KLRG2: variants seen among roughly 807,000 people sequenced by gnomAD.
KLRG2 encodes the protein killer cell lectin like receptor G2, also known as killer cell lectin-like receptor subfamily G member 2.
A neutral mutation model predicts 35.4 loss-of-function variants in KLRG2; 39 were observed. That is an observed-to-expected ratio of 1.10 (90% CI 0.85 to 1.44). The LOEUF (loss-of-function observed/expected upper bound fraction) is 1.44. KLRG2 is among the 40% of genes most tolerant of loss of function. The pLI, the probability that KLRG2 is intolerant of heterozygous loss-of-function variation, is 0.00. For synonymous variants in KLRG2, 283 were observed against 265.8 expected (o/e 1.06, Z -0.63); for missense variants, 632 against 570.9 (o/e 1.11, Z -1.09).
chr7:139,456,826 T>C (rs953973925), intron 3 of KLRG2, among the ~76,000 whole-genome samples: 4 of 152,130 alleles, frequency 2.6e-5, no homozygotes, highest in Admixed American at 6.5e-5. Flanking sequence ...TTTCCTGTAT[T>C]AGTTGGTGAA....
At chr7:139,437,853 G>A in the KLRG2 span, among the ~76,000 whole-genome samples, 1 of 152,324 alleles carries the variant, frequency 6.6e-6, no homozygotes, top group South Asian at 2.1e-4. Context: ...CCAGTTCTTT[G>A]CCTCTCCCTG....
intron 1 of KLRG2, among the ~76,000 whole-genome samples, 197 bp from the exon 2 acceptor site, chr7:139,480,444 T>TC (rs1300307222): frequency 7.0e-6 from 1 of 142,630 alleles, no homozygotes; most frequent in Admixed American, 7.0e-5. Context: ...ATATTCTTTT[T>TC]TTTTTTTTTT....
intron 3 of KLRG2, among the ~76,000 whole-genome samples, chr7:139,463,005 C>T (rs577362803): frequency 2.0e-5 from 3 of 152,322 alleles, no homozygotes; most frequent in Admixed American, 6.5e-5. Context: ...ATCACCTCCT[C>T]TCCTCACACC....
intron 3 of KLRG2, among the ~76,000 whole-genome samples, chr7:139,455,845 A>G (rs900826081): frequency 3.9e-5 from 6 of 152,240 alleles, no homozygotes; most frequent in African/African-American, 1.4e-4. Context: ...TTATCTAAAG[A>G]TAACACGGTG....
intron 3 of KLRG2, among the ~76,000 whole-genome samples, chr7:139,467,156 C>T (rs978256458): frequency 5.9e-5 from 9 of 152,134 alleles, no homozygotes; most frequent in Admixed American, 2.0e-4. Context: ...TCCCATGTCG[C>T]CCCTAATCCC....
At chr7:139,451,638 A>G (rs190165440), downstream of KLRG2, among the ~76,000 whole-genome samples, 17 of 152,222 alleles carry the variant, frequency 1.1e-4, no homozygotes, top group East Asian at 3.1e-3. Flanking sequence ...ATACCTTTCT[A>G]GATTCCTCTA....
intron 1 of KLRG2, among the ~76,000 whole-genome samples, chr7:139,481,056 T>A (rs898413967): frequency 2.0e-5 from 3 of 152,078 alleles, no homozygotes; most frequent in African/African-American, 7.2e-5. Context: ...AGGAGCCTTA[T>A]ATGTGGAAGA....
At position 139,454,340 on chromosome 7, in the gene KLRG2, A is replaced by C. The variant is rs116593171; in HGVS notation, c.1006-126T>G. ...TCCAGAAGGATCTGCTCAAGCCAGC[A>C]CTTGCAGAACAAAAAAACCTTGAAA... On this transcript the variant is annotated intron_variant, in intron 3 of 4. Coordinates refer to ENST00000340940, the MANE Select transcript of KLRG2 (RefSeq NM_198508.4). 746 of 641,228 alleles carry C rather than the reference A, an allele frequency of 1.2e-3. 5 individuals carry two copies. The African/African-American group carries it at 0.013, about 11-fold the overall frequency. The allele number at this position is 641,228 out of a possible 1,614,324, so 39.7% of individuals were successfully genotyped here. A position where few individuals can be genotyped will look rare whatever the true frequency, so the allele number is the denominator to read the frequency against.
At chr7:139,444,402 G>A in the KLRG2 span, among the ~76,000 whole-genome samples, 2 of 152,230 alleles carry the variant, frequency 1.3e-5, no homozygotes, top group African/African-American at 2.4e-5. Context: ...GGCTGGTCTC[G>A]AACCCCTGAA....
Position 139,482,874 on chromosome 7 carries a change from G to A in KLRG2, c.757+12C>T. The A allele has an allele frequency of 7.0e-7, 1 of 1,430,700 alleles. No homozygotes were observed. Among genetic ancestry groups the A allele is most frequent in the Non-Finnish European group, 9.1e-7 (1 of 1,100,626 alleles). The allele number at this position is 1,430,700 out of a possible 1,614,324, so 88.6% of individuals were successfully genotyped here. On this transcript the variant is annotated intron_variant, in intron 1 of 4. Transcript: ENST00000340940. ...CTGGCGGCGTCGGCTGCCGGCGCAG[G>A]TGAGCACTCACCCGTAAGCGTTACG...
At chr7:139,450,475 G>T (rs1437274212), downstream of KLRG2, among the ~76,000 whole-genome samples, 1 of 151,990 alleles carries the variant, frequency 6.6e-6, no homozygotes, top group Non-Finnish European at 1.5e-5. Context: ...TGCCCACCGT[G>T]GCCTCCCAAA....
chr7:139,427,842 A>G, the KLRG2 span, among the ~76,000 whole-genome samples: 2 of 152,340 alleles, frequency 1.3e-5, no homozygotes, highest in South Asian at 2.1e-4. Context: ...GTTTTCCAAC[A>G]TAAATTAACT....
downstream of KLRG2, among the ~76,000 whole-genome samples, chr7:139,449,090 A>G (rs1237883696): frequency 6.7e-6 from 1 of 148,564 alleles, no homozygotes; most frequent in Non-Finnish European, 1.5e-5. Context: ...TGGGTGACAG[A>G]GGGACACTCC....
Position 139,453,523 on chromosome 7 carries a change from A to G in KLRG2, c.*64T>C, listed in dbSNP as rs1256907489. 6.5e-7 allele frequency: 1 copy of G among 1,533,230 alleles called. No individual in the cohort carries two copies. The highest frequency in any genetic ancestry group is 1.2e-5 in the South Asian group (1 of 83,346). The allele number at this position is 1,533,230 out of a possible 1,614,324, so 95.0% of individuals were successfully genotyped here. On this transcript the variant is annotated 3_prime_UTR_variant, in exon 5 of 5. Transcript: ENST00000340940. ...CAGGAAGAGGCTGCCCAAGCTCTCA[A>G]CTGGCCTCCCCTGTAGGGGGTGCTG...
intron 3 of KLRG2, among the ~76,000 whole-genome samples, chr7:139,466,325 C>A (rs1796653323): frequency 6.6e-6 from 1 of 152,186 alleles, no homozygotes; most frequent in African/African-American, 2.4e-5. Context: ...TTCTTCTCTT[C>A]TGTCAGACAT....
downstream of KLRG2, among the ~76,000 whole-genome samples, chr7:139,449,101 G>A (rs564544680): frequency 1.2e-3 from 167 of 142,228 alleles, no homozygotes; most frequent in African/African-American, 4.4e-3. Context: ...GGGACACTCC[G>A]TCTCAAAAAA....
At chr7:139,459,267 T>A (rs1796529200) in intron 3 of KLRG2, among the ~76,000 whole-genome samples, 1 of 152,248 alleles carries the variant, frequency 6.6e-6, no homozygotes, top group Non-Finnish European at 1.5e-5. Flanking sequence ...GAGGCCCGTT[T>A]TACTGGCTTC....
downstream of KLRG2, among the ~76,000 whole-genome samples, chr7:139,450,337 T>C (rs1025388990): frequency 1.1e-4 from 16 of 150,266 alleles, no homozygotes; most frequent in Non-Finnish European, 1.9e-4. Context: ...CATTCTCCTG[T>C]CTCAGCCTCC....
intron 4 of KLRG2, 37 bp from the exon 5 acceptor site, chr7:139,453,744 TA>T (rs749278458): frequency 7.8e-5 from 125 of 1,612,676 alleles, no homozygotes; most frequent in Non-Finnish European, 1.0e-4. Context: ...GAGAGGTGTT[TA>T]GGGTGCCGGG....
Sources: gnomAD v4.1 joint callset for allele counts (sites outside exome capture counted in the v4.1 genomes callset) on GRCh38, gnomAD v4.1.1 for gene constraint, MANE v1.5 for transcripts, NCBI Gene and HGNC (gene_info 2026-07-23, HGNC 2026-07-21) for gene names.